GFRAL: variants seen among roughly 807,000 people sequenced by gnomAD.
GFRAL encodes the protein GDNF family receptor alpha like.
A neutral mutation model predicts 45.4 loss-of-function variants in GFRAL; 36 were observed. The ratio of observed to expected loss-of-function variants is 0.79; its 90% CI spans 0.61 to 1.05. GFRAL has a LOEUF of 1.05. Ranked by LOEUF, GFRAL falls within the 50% of genes least tolerant of loss-of-function variation. GFRAL has a pLI of 0.00. For synonymous variants in GFRAL, 166 were observed against 154.1 expected (o/e 1.08, Z -0.57); for missense variants, 507 against 467.5 (o/e 1.08, Z -0.78).
intron 6 of GFRAL, among the ~76,000 whole-genome samples, chr6:55,375,902 G>T (rs1186481742): frequency 6.6e-6 from 1 of 152,116 alleles, no homozygotes; most frequent in Non-Finnish European, 1.5e-5. Context: ...ATGTTGAATA[G>T]GAGTGGTGAG....
intron 6 of GFRAL, among the ~76,000 whole-genome samples, chr6:55,389,558 A>T (rs1488605575): frequency 6.6e-6 from 1 of 151,976 alleles, no homozygotes; most frequent in Non-Finnish European, 1.5e-5. Context: ...ACAAAAAAAC[A>T]GTAAATATTA....
intron 6 of GFRAL, among the ~76,000 whole-genome samples, chr6:55,394,898 T>C (rs535425080): frequency 6.8e-4 from 104 of 151,854 alleles, no homozygotes; most frequent in African/African-American, 2.4e-3. Context: ...AAGATAGGAA[T>C]GAGAGAAGGA....
intron 6 of GFRAL, among the ~76,000 whole-genome samples, chr6:55,378,780 A>G (rs1306380190): frequency 6.6e-6 from 1 of 151,938 alleles, no homozygotes; most frequent in Non-Finnish European, 1.5e-5. Flanking sequence ...CAAAGTGAAC[A>G]GTCAAGAGTA....
At chr6:55,342,007 A>G (rs1036455638) in intron 3 of GFRAL, among the ~76,000 whole-genome samples, 1 of 152,236 alleles carries the variant, frequency 6.6e-6, no homozygotes, top group Non-Finnish European at 1.5e-5. Context: ...AAAGCCTCCA[A>G]GAAATATGGG....
intron 6 of GFRAL, among the ~76,000 whole-genome samples, chr6:55,362,148 T>A (rs779777054): frequency 6.6e-6 from 1 of 151,784 alleles, no homozygotes; most frequent in Non-Finnish European, 1.5e-5. Flanking sequence ...GGAACAAAAA[T>A]TTTTCTGGAA....
At chr6:55,369,432 C>T (rs983496011) in intron 6 of GFRAL, among the ~76,000 whole-genome samples, 13 of 152,150 alleles carry the variant, frequency 8.5e-5, no homozygotes, top group Admixed American at 3.9e-4. Flanking sequence ...AGCTGTAGAC[C>T]GGAGCTGTTC....
chr6:55,351,601 T>C lies in GFRAL; in HGVS notation c.701+18T>C, dbSNP rs769534638. The stretch of plus-strand genomic sequence containing the variant: ...TTATGCAGGTGGGTAAAAACACTCA[T>C]ACCTTACTTTCTTATTTCGGCACCT... On this transcript the variant is annotated intron_variant, in intron 5 of 8. Coordinates refer to ENST00000340465, the MANE Select transcript of GFRAL (RefSeq NM_207410.2). 12 of 1,563,756 alleles carry C rather than the reference T, an allele frequency of 7.7e-6. No individual in the cohort carries two copies. In the Admixed American group the frequency reaches 1.2e-4, roughly 16 times the overall value.
intron 5 of GFRAL, among the ~76,000 whole-genome samples, chr6:55,353,524 T>C (rs1431809187): frequency 6.6e-6 from 1 of 151,686 alleles, no homozygotes; most frequent in African/African-American, 2.4e-5. Context: ...GAATTTTTCA[T>C]GCAAATGTGT....
chr6:55,379,594 C>G (rs920164831), intron 6 of GFRAL, among the ~76,000 whole-genome samples: 6 of 115,672 alleles, frequency 5.2e-5, no homozygotes, highest in Non-Finnish European at 1.1e-4. Flanking sequence ...CACACACACA[C>G]ACAAACTGTG....
intron 6 of GFRAL, among the ~76,000 whole-genome samples, chr6:55,397,769 G>T (rs1413487494): frequency 6.6e-6 from 1 of 152,126 alleles, no homozygotes; most frequent in Non-Finnish European, 1.5e-5. Context: ...GCAGCCCTAG[G>T]TGGAGAGATA....
intron 6 of GFRAL, among the ~76,000 whole-genome samples, chr6:55,390,895 T>TATACAC (rs1554136518): frequency 7.4e-6 from 1 of 135,556 alleles, no homozygotes; most frequent in Non-Finnish European, 1.6e-5. Flanking sequence ...CTCACACACA[T>TATACAC]ACACACACAC....
chr6:55,358,739 A>T (rs1768229782), intron 5 of GFRAL, 149 bp from the exon 6 acceptor site: 1 of 671,962 alleles, frequency 1.5e-6, no homozygotes, highest in Non-Finnish European at 2.5e-6. Flanking sequence ...ACCTATGGTG[A>T]TTTTTCAAAT....
chr6:55,358,876 C>A lies in GFRAL; in HGVS notation c.702-12C>A. On this transcript the variant is annotated splice_polypyrimidine_tract_variant and intron_variant, in intron 5 of 8. Transcript: ENST00000340465. Reference sequence around the variant, plus strand: ...ATTCAAAACTAATTATTTTTCTTCACTCTTTCTCTAGGAGGCACTATAGAA... The same window carrying A: ...ATTCAAAACTAATTATTTTTCTTCAATCTTTCTCTAGGAGGCACTATAGAA... 1 of 1,608,982 alleles carries A rather than the reference C, an allele frequency of 6.2e-7. No homozygotes were observed. The highest frequency in any genetic ancestry group is 8.5e-7 in the Non-Finnish European group (1 of 1,176,654).
At chr6:55,398,735 G>GAA (rs1472413899) in intron 6 of GFRAL, among the ~76,000 whole-genome samples, 3 of 152,082 alleles carry the variant, frequency 2.0e-5, no homozygotes, top group African/African-American at 7.2e-5. Context: ...AGGAGAAACT[G>GAA]AAGTTTTAGC....
chr6:55,331,183 A>C (rs1767824054), intron 1 of GFRAL, among the ~76,000 whole-genome samples: 1 of 152,296 alleles, frequency 6.6e-6, no homozygotes, highest in East Asian at 1.9e-4. Flanking sequence ...AGAATGTATA[A>C]AATGAAAATA....
intron 6 of GFRAL, among the ~76,000 whole-genome samples, chr6:55,377,757 C>T (rs1447780618): frequency 6.6e-6 from 1 of 151,992 alleles, no homozygotes; most frequent in African/African-American, 2.4e-5. Flanking sequence ...ATTTGTACCA[C>T]TCTATTATAG....
At chr6:55,396,125 A>G (rs1157824790) in intron 6 of GFRAL, among the ~76,000 whole-genome samples, 1 of 152,218 alleles carries the variant, frequency 6.6e-6, no homozygotes, top group African/African-American at 2.4e-5. Context: ...TCAGTAGCCA[A>G]GAAACCCTCA....
chr6:55,390,360 A>G (rs190241063), intron 6 of GFRAL, among the ~76,000 whole-genome samples: 10 of 152,336 alleles, frequency 6.6e-5, no homozygotes, highest in Admixed American at 5.9e-4. Flanking sequence ...ATTGATTTCT[A>G]GGTCATGCCA....
At chr6:55,350,421 T>TC (rs1373042034) in intron 4 of GFRAL, among the ~76,000 whole-genome samples, 1 of 152,128 alleles carries the variant, frequency 6.6e-6, no homozygotes, top group East Asian at 1.9e-4. Context: ...ACAGCTGTAG[T>TC]CCCAGTACTG....
Sources: gnomAD v4.1 joint callset for allele counts (sites outside exome capture counted in the v4.1 genomes callset) on GRCh38, gnomAD v4.1.1 for gene constraint, MANE v1.5 for transcripts, NCBI Gene and HGNC (gene_info 2026-07-23, HGNC 2026-07-21) for gene names.